Variants in WDR47 observed in about 807,000 individuals in gnomAD.
WDR47 encodes WD repeat domain 47, also known as WD repeat-containing protein 47.
In WDR47, 32 loss-of-function variants were observed where a neutral mutation model predicts 97.2. The ratio of observed to expected loss-of-function variants is 0.33; its 90% CI spans 0.25 to 0.44. The LOEUF is 0.44. Ranked by LOEUF, WDR47 falls within the 20% of genes least tolerant of loss-of-function variation. The probability of loss-of-function intolerance (pLI) is 1.00; values close to 1 mark genes in which losing one functional copy is unlikely to be tolerated. For synonymous variants in WDR47, 375 were observed against 373.5 expected (o/e 1.00, Z -0.05); for missense variants, 782 against 1,102.3 (o/e 0.71, Z 4.11).
At chr1:108,977,992 A>G (rs2101797379) in intron 13 of WDR47, among the ~76,000 whole-genome samples, 1 of 152,022 alleles carries the variant, frequency 6.6e-6, no homozygotes, top group South Asian at 2.1e-4. Flanking sequence ...CTCAAAAAAA[A>G]AAAAAAAAAG....
intron 1 of WDR47, among the ~76,000 whole-genome samples, chr1:109,028,290 TC>T (rs925546250): frequency 3.7e-4 from 55 of 147,618 alleles, no homozygotes; most frequent in Non-Finnish European, 1.3e-4. Flanking sequence ...GCTCAAGCAA[TC>T]CTCCCACCTC....
chr1:109,029,930 A>C lies in WDR47; in HGVS notation c.-9-6409T>G, dbSNP rs557893435. On this transcript the variant is annotated intron_variant, in intron 1 of 14. Coordinates refer to ENST00000369962, the MANE Select transcript of WDR47 (RefSeq NM_001142551.2). ...ATATTCTAGTAATAAAAATATATTG[A>C]CTCTGTGTATTTCCATACAAAGATA... The C allele has an allele frequency of 9.1e-5, 32 of 352,862 alleles. No homozygotes were observed. In the Admixed American group the frequency reaches 1.2e-3, roughly 13 times the overall value. 21.9% of individuals were successfully genotyped at this position (352,862 alleles called of 1,614,324 possible). A position where few individuals can be genotyped will look rare whatever the true frequency, so the allele number is the denominator to read the frequency against.
At chr1:109,014,196 C>T (rs143889011) in intron 3 of WDR47, among the ~76,000 whole-genome samples, 43 of 152,006 alleles carry the variant, frequency 2.8e-4, no homozygotes, top group African/African-American at 9.4e-4. Flanking sequence ...AGTCTTATAT[C>T]CAAAATGTTT....
At position 108,986,597 on chromosome 1, in the gene WDR47, A is replaced by T. The variant is rs753977155; in HGVS notation, c.1851T>A (p.Ala617=). Reference sequence around the variant, plus strand: ...TTGAACCAACAGCATATAAACCTCCAGCTGGATGAAAAGCCACTGCTCTAA... The same window carrying T: ...TTGAACCAACAGCATATAAACCTCCTGCTGGATGAAAAGCCACTGCTCTAA... The part of the protein sequence containing the change: ...QAVRAVAFHP[A]GGLYAVGSNS... The change falls in exon 10 of 15, where the codon GCT becomes GCA. Residue 617 remains alanine, a synonymous_variant. Transcript: ENST00000369962. 1 of 1,613,852 alleles carries T rather than the reference A, an allele frequency of 6.2e-7. No homozygotes were observed.
chr1:109,003,255 C>A (rs1455643480), intron 6 of WDR47, among the ~76,000 whole-genome samples: 1 of 152,078 alleles, frequency 6.6e-6, no homozygotes, highest in Non-Finnish European at 1.5e-5. Flanking sequence ...GTATTGAAGT[C>A]TCCAACTATT....
intron 14 of WDR47, among the ~76,000 whole-genome samples, chr1:108,972,781 A>G (rs898821173): frequency 2.0e-5 from 3 of 152,116 alleles, no homozygotes; most frequent in African/African-American, 7.2e-5. Flanking sequence ...CTCTGTCTCT[A>G]CTAAAAATAC....
At chr1:108,985,663 T>C (rs1203629003) in intron 10 of WDR47, among the ~76,000 whole-genome samples, 1 of 152,178 alleles carries the variant, frequency 6.6e-6, no homozygotes, top group Non-Finnish European at 1.5e-5. Context: ...TATTTTCAAA[T>C]CAGTTTCTTC....
intron 3 of WDR47, among the ~76,000 whole-genome samples, chr1:109,014,583 C>T (rs937367952): frequency 6.6e-6 from 1 of 152,002 alleles, no homozygotes; most frequent in Non-Finnish European, 1.5e-5. Context: ...CAACTGTGTG[C>T]CACAGCACCC....
chr1:108,995,883 G>A (rs1246140162), intron 7 of WDR47, 46 bp from the exon 8 acceptor site: 1 of 1,570,538 alleles, frequency 6.4e-7, no homozygotes, highest in East Asian at 2.3e-5. Context: ...AAACTTAATT[G>A]CATTCCTAAT....
chr1:109,023,526 A>G lies in WDR47; in HGVS notation c.-9-5T>C, dbSNP rs1661997396. On this transcript the variant is annotated splice_polypyrimidine_tract_variant and splice_region_variant and intron_variant, in intron 1 of 14. Coordinates refer to ENST00000369962, the MANE Select transcript of WDR47 (RefSeq NM_001142551.2). The stretch of plus-strand genomic sequence containing the variant: ...TTCAGCCGTCATATTGATAGCCTAA[A>G]TATGAAACAGAAAAACAATAAAGCT... 2 of 1,607,868 alleles carry G rather than the reference A, an allele frequency of 1.2e-6. No individual in the cohort carries two copies. The highest frequency in any genetic ancestry group is 1.7e-6 in the Non-Finnish European group (2 of 1,176,716).
At chr1:109,009,505 GA>G (rs1307639160) in intron 5 of WDR47, among the ~76,000 whole-genome samples, 9 of 152,030 alleles carry the variant, frequency 5.9e-5, no homozygotes. Flanking sequence ...ATGTACAGGA[GA>G]AAAAAAGTAG....
chr1:108,999,657 G>A (rs1660030274), intron 7 of WDR47, among the ~76,000 whole-genome samples: 1 of 150,552 alleles, frequency 6.6e-6, no homozygotes, highest in African/African-American at 2.4e-5. Context: ...CTGGGCAACA[G>A]AGCGAGACCC....
chr1:109,005,821 A>T (rs921905409), intron 5 of WDR47, among the ~76,000 whole-genome samples: 1 of 152,150 alleles, frequency 6.6e-6, no homozygotes, highest in African/African-American at 2.4e-5. Flanking sequence ...GCGAGCCGAG[A>T]TCACGCGACT....
At chr1:108,990,750 C>CA (rs554477545) in intron 9 of WDR47, among the ~76,000 whole-genome samples, 43 of 147,062 alleles carry the variant, frequency 2.9e-4, no homozygotes, top group African/African-American at 7.5e-4. Context: ...GCTTCCAAAG[C>CA]AAAAAAAAAG....
At chr1:109,001,260 G>A (rs981100727) in intron 7 of WDR47, among the ~76,000 whole-genome samples, 52 of 152,274 alleles carry the variant, frequency 3.4e-4, no homozygotes, top group African/African-American at 1.2e-3. Flanking sequence ...CTGTACTCCA[G>A]CCTGGGTGAC....
intron 5 of WDR47, 21 bp from the exon 6 acceptor site, chr1:109,004,736 A>T: frequency 6.4e-7 from 1 of 1,569,960 alleles, no homozygotes; most frequent in Non-Finnish European, 8.6e-7. Flanking sequence ...AAACGTGCAA[A>T]AAAACAAAAA....
intron 5 of WDR47, among the ~76,000 whole-genome samples, chr1:109,009,681 T>C (rs1660887845): frequency 6.6e-6 from 1 of 152,170 alleles, no homozygotes; most frequent in Admixed American, 6.6e-5. Context: ...AAAATCTATG[T>C]AATATATTCC....
rs561183278 is a variant in WDR47, at chr1:108,972,855, G to T, written c.2618-1283C>A. Reference sequence around the variant, plus strand: ...CCAGCTACTTGGGAGGCTGAGGCAGGAGAATGGCATGAACTGGGAGGTGGA... The same window carrying T: ...CCAGCTACTTGGGAGGCTGAGGCAGTAGAATGGCATGAACTGGGAGGTGGA... On this transcript the variant is annotated intron_variant, in intron 14 of 14. Coordinates refer to ENST00000369962, the MANE Select transcript of WDR47 (RefSeq NM_001142551.2). Among the ~76,000 whole-genome samples the T allele has an allele frequency of 5.6e-3, 855 of 151,930 alleles. 5 individuals carry two copies. The highest frequency in any genetic ancestry group is 0.024 in the Middle Eastern group (7 of 294).
intron 1 of WDR47, among the ~76,000 whole-genome samples, chr1:109,039,806 C>T (rs1663218960): frequency 6.6e-6 from 1 of 151,536 alleles, no homozygotes; most frequent in Non-Finnish European, 1.5e-5. Context: ...GAGCCCAAGG[C>T]GGGTGGATCA....
Sources: allele counts gnomAD v4.1 joint callset (sites outside exome capture counted in the v4.1 genomes callset), GRCh38; gene constraint gnomAD v4.1.1; transcripts MANE v1.5; gene names NCBI Gene and HGNC (gene_info 2026-07-23, HGNC 2026-07-21).